Variants in AP2A1 observed in about 807,000 individuals in gnomAD.
The protein encoded by AP2A1 is adaptor related protein complex 2 subunit alpha 1.
AP2A1 carries 21 observed loss-of-function variants against 107.3 expected under a neutral mutation model. The observed-to-expected ratio is 0.20, with a 90% CI of 0.14 to 0.28. AP2A1 has a LOEUF of 0.28. AP2A1 is among the 10% of genes least tolerant of loss of function. The pLI is 1.00. For missense variants in AP2A1, 873 were observed against 1,307.7 expected (o/e 0.67, Z 5.13); for synonymous variants, 602 against 564.8 (o/e 1.07, Z -0.93).
chr19:49,772,215 GC>G (rs2084566277), intron 1 of AP2A1, among the ~76,000 whole-genome samples: 1 of 141,852 alleles, frequency 7.0e-6, no homozygotes, highest in African/African-American at 2.7e-5. Flanking sequence ...ATGCCATCAT[GC>G]CCAGCAAATT....
chr19:49,801,456 G>C lies in AP2A1; in HGVS notation c.1620G>C (p.Leu540=). The change falls in exon 13 of 23, where the codon CTG becomes CTC. Residue 540 remains leucine, a synonymous_variant. Coordinates refer to ENST00000354293, the MANE Select transcript of AP2A1 (RefSeq NM_130787.3). ...TGTGCAGCGTGGCCACGCGGGCGCTGCTGCTGTCCACCTACATCAAGTTCA... is the reference window on the plus strand; with the variant it reads ...TGTGCAGCGTGGCCACGCGGGCGCTCCTGCTGTCCACCTACATCAAGTTCA... ...FHLCSVATRA[L]LLSTYIKFIN... is the part of the protein sequence containing the mutation. 2 of 1,613,860 alleles carry C rather than the reference G, an allele frequency of 1.2e-6. No homozygotes were observed. Among genetic ancestry groups the C allele is most frequent in the South Asian group, 2.2e-5 (2 of 91,086 alleles).
intron 1 of AP2A1, among the ~76,000 whole-genome samples, chr19:49,778,876 GTA>G (rs1353943517): frequency 1.4e-5 from 2 of 143,120 alleles, no homozygotes; most frequent in Non-Finnish European, 3.1e-5. Flanking sequence ...GTATGCATAT[GTA>G]TATATACGTA....
chr19:49,771,570 C>T (rs190444310), intron 1 of AP2A1, among the ~76,000 whole-genome samples: 88 of 151,488 alleles, frequency 5.8e-4, no homozygotes, highest in Non-Finnish European at 1.0e-3. Context: ...CACTATGCCC[C>T]GCTGATTTTT....
At chr19:49,806,440 C>T in intron 22 of AP2A1, 187 bp downstream of exon 22, 1 of 1,431,866 alleles carries the variant, frequency 7.0e-7, no homozygotes, top group Middle Eastern at 2.6e-4. Flanking sequence ...CTCTGGTGTT[C>T]CTCTCCTCTT....
At chr19:49,806,458 C>A in intron 22 of AP2A1, 1 of 1,437,386 alleles carries the variant, frequency 7.0e-7, no homozygotes, top group Non-Finnish European at 9.1e-7. Context: ...CTTCCTGTCC[C>A]TCCCTGATTT....
rs2123710111 is a variant in AP2A1 at position 49,788,257 on chromosome 19, TA to T, written c.474-3677del. Among the ~76,000 whole-genome samples, 1 of 152,386 alleles carries T rather than the reference TA, an allele frequency of 6.6e-6. No homozygotes were observed. The highest frequency in any genetic ancestry group is 1.5e-5 in the Non-Finnish European group (1 of 68,038). On this transcript the variant is annotated intron_variant, in intron 4 of 22. Coordinates refer to ENST00000354293, the MANE Select transcript of AP2A1 (RefSeq NM_130787.3). This position sits in a 1 kb window ranked among gnomAD's most constrained non-coding sequence, Gnocchi z 4.5. ...AGCCACCGCGCCTGACTTGTGGTTT[TA>T]TTTTTTATACTTGAATATGCAGCTT... is the stretch of plus-strand genomic sequence containing the variant.
At position 49,798,866 on chromosome 19, in the gene AP2A1, G is replaced by GC. The variant is rs1297312322; in HGVS notation, c.885dup (p.Lys296GlnfsTer26). ...AGACTGTGCTCAACAAGGCCCAGGAGCCCCCCAAATCCAAGAAGGTGCAGC... is the reference window on the plus strand; with the variant it reads ...AGACTGTGCTCAACAAGGCCCAGGAGCCCCCCCAAATCCAAGAAGGTGCAGC... On this transcript the variant is annotated frameshift_variant, in exon 8 of 23. Transcript: ENST00000354293. LOFTEE classifies it high-confidence loss of function. The GC allele has an allele frequency of 1.3e-6, 2 of 1,595,342 alleles. No individual in the cohort carries two copies. Among genetic ancestry groups the GC allele is most frequent in the Non-Finnish European group, 1.7e-6 (2 of 1,171,110 alleles).
At chr19:49,780,353 C>T (rs761413549) in intron 1 of AP2A1, among the ~76,000 whole-genome samples, 5 of 152,186 alleles carry the variant, frequency 3.3e-5, no homozygotes, top group African/African-American at 4.8e-5. Flanking sequence ...TGGCAGGAGC[C>T]GAGACCCAAA....
rs73934041 is a variant in AP2A1, at chr19:49,773,408, C to T, written c.67+6208C>T. 5.5e-3 allele frequency among the ~76,000 whole-genome samples: 832 copies of T among 152,316 alleles called. 9 individuals are homozygous for T. Among genetic ancestry groups the T allele is most frequent in the African/African-American group, 0.019 (799 of 41,566 alleles). On this transcript the variant is annotated intron_variant, in intron 1 of 22. Transcript: ENST00000354293. Reference sequence around the variant, plus strand: ...AAATGGTGATCCACTGCAGTGGTGACATCGAGCCCAGGCCCTGGGTCTCAC... The same window carrying T: ...AAATGGTGATCCACTGCAGTGGTGATATCGAGCCCAGGCCCTGGGTCTCAC...
In AP2A1 at chr19:49,806,868, T is replaced by TG; in HGVS notation, c.*115dup. 6.4e-7 allele frequency: 1 copy of TG among 1,573,614 alleles called. No homozygotes were observed. The highest frequency in any genetic ancestry group is 1.4e-5 in the African/African-American group (1 of 73,814). On this transcript the variant is annotated 3_prime_UTR_variant, in exon 23 of 23. Transcript: ENST00000354293. ...TGGTGACAGAGAAGACACCAGGGTT[T>TG]GGGGGATGCCTGGGACTTTCCTCCG...
intron 11 of AP2A1, 64 bp downstream of exon 11, chr19:49,800,214 C>T (rs2073260377): frequency 6.6e-6 from 10 of 1,513,850 alleles, no homozygotes; most frequent in South Asian, 1.2e-5. Flanking sequence ...GCAAGGATGG[C>T]CGGGGCCGTG....
rs1568581116 is a variant in AP2A1, at chr19:49,790,548, G to A, written c.474-1387G>A. Among the ~76,000 whole-genome samples the A allele has an allele frequency of 3.9e-5, 6 of 152,140 alleles. No individual in the cohort carries two copies. The South Asian group carries it at 1.2e-3, about 31-fold the overall frequency. On this transcript the variant is annotated intron_variant, in intron 4 of 22. Coordinates refer to ENST00000354293, the MANE Select transcript of AP2A1 (RefSeq NM_130787.3). ...CAAGTAGGTGGGTCTACAGGCATGC[G>A]CCACCACGCTTGGCTAATTCTCATA... is the stretch of plus-strand genomic sequence containing the variant.
At position 49,807,054 on chromosome 19, in the gene AP2A1, A is replaced by AC. The variant is rs775963680; in HGVS notation, c.*301dup. On this transcript the variant is annotated 3_prime_UTR_variant, in exon 23 of 23. Transcript: ENST00000354293. ...ACCCCACCCTGTTGTAGCCCCTCCTACCCCCTCCCCATCCAGGGGCTGTGT... is the reference window on the plus strand; with the variant it reads ...ACCCCACCCTGTTGTAGCCCCTCCTACCCCCCTCCCCATCCAGGGGCTGTGT... The AC allele has an allele frequency of 6.0e-5, 83 of 1,380,158 alleles. No individual in the cohort carries two copies. The highest frequency in any genetic ancestry group is 1.1e-4 in the Admixed American group (5 of 44,712). The allele number at this position is 1,380,158 out of a possible 1,614,324, so 85.5% of individuals were successfully genotyped here.
rs376632054 is a variant in AP2A1 at position 49,782,525 on chromosome 19, C to T, written c.280-6C>T. ...TCCTAGCCATCCACGACCTCCCTCC[C>T]CACAGGGTTACCTGTTCATTTCTGT... On this transcript the variant is annotated splice_polypyrimidine_tract_variant and splice_region_variant and intron_variant, in intron 3 of 22. Coordinates refer to ENST00000354293, the MANE Select transcript of AP2A1 (RefSeq NM_130787.3). 6.2e-7 allele frequency: 1 copy of T among 1,612,732 alleles called. No homozygotes were observed. The highest frequency in any genetic ancestry group is 8.5e-7 in the Non-Finnish European group (1 of 1,179,168).
intron 4 of AP2A1, among the ~76,000 whole-genome samples, chr19:49,783,821 A>C (rs975038557): frequency 6.6e-6 from 1 of 151,870 alleles, no homozygotes; most frequent in Non-Finnish European, 1.5e-5. Context: ...CTAGAAATAA[A>C]CCCCCTTGGG....
chr19:49,802,264 A>C (rs1378587227), intron 15 of AP2A1, 123 bp downstream of exon 15: 1 of 880,644 alleles, frequency 1.1e-6, no homozygotes, highest in Non-Finnish European at 1.8e-6. Context: ...CTCCATCCTG[A>C]TGCCTTCGCC....
At chr19:49,784,243 A>T (rs1433364287) in intron 4 of AP2A1, among the ~76,000 whole-genome samples, 1 of 152,184 alleles carries the variant, frequency 6.6e-6, no homozygotes. Flanking sequence ...CCTGGCCAAC[A>T]TGGCGAAACC....
At chr19:49,802,582 C>T (rs1406416625) in intron 15 of AP2A1, 2 of 1,602,450 alleles carry the variant, frequency 1.2e-6, no homozygotes, top group Admixed American at 3.4e-5. Context: ...TGCTGGCTGA[C>T]CCAGCTCCAG....
At chr19:49,806,648 CCT>C in intron 22 of AP2A1, 31 bp from the exon 23 acceptor site, 1 of 1,611,828 alleles carries the variant, frequency 6.2e-7, no homozygotes. Flanking sequence ...CTCCCCATCT[CCT>C]CTGAGTTCTG....
Sources: allele counts gnomAD v4.1 joint callset (sites outside exome capture counted in the v4.1 genomes callset), GRCh38; gene constraint gnomAD v4.1.1; non-coding constraint Gnocchi (gnomAD v3.1); transcripts MANE v1.5; gene names NCBI Gene and HGNC (gene_info 2026-07-23, HGNC 2026-07-21).